Variants in RICTOR observed in about 807,000 individuals in gnomAD.
RICTOR encodes rapamycin-insensitive companion of mTOR.
Under a neutral mutation model 214.9 loss-of-function variants are expected in RICTOR, and 49 were observed. The ratio of observed to expected loss-of-function variants is 0.23; its 90% CI spans 0.18 to 0.29. The LOEUF is 0.29. Ranked by LOEUF, RICTOR falls within the 10% of genes least tolerant of loss-of-function variation. The pLI is 1.00. For synonymous variants in RICTOR, 717 were observed against 711.3 expected (o/e 1.01, Z -0.13); for missense variants, 1,625 against 2,047.0 (o/e 0.79, Z 3.98).
At chr5:38,977,615 T>TG (rs1751350179) in intron 9 of RICTOR, among the ~76,000 whole-genome samples, 2 of 112,572 alleles carry the variant, frequency 1.8e-5, no homozygotes, top group African/African-American at 3.3e-5. Flanking sequence ...TTTTTTTTTT[T>TG]GAGACAGAGT....
chr5:39,008,686 T>C (rs931296215), intron 3 of RICTOR, among the ~76,000 whole-genome samples: 2 of 151,856 alleles, frequency 1.3e-5, no homozygotes, highest in African/African-American at 4.8e-5. Flanking sequence ...ATTTAACTAT[T>C]GTTTTCTCCA....
At position 38,942,881 on chromosome 5, in the gene RICTOR, C is replaced by T. The variant is rs145082202; in HGVS notation, c.5004G>A (p.Pro1668=). 21 of 1,611,830 alleles carry T rather than the reference C, an allele frequency of 1.3e-5. No individual in the cohort carries two copies. Among genetic ancestry groups the T allele is most frequent in the Middle Eastern group, 1.7e-4 (1 of 6,060 alleles). The change falls in exon 37 of 38, where the codon CCG becomes CCA. Residue 1668 remains proline (P), a synonymous_variant. Transcript: ENST00000357387. ...ATAATTCTTGTATGAACCTCCGACACGGAAGTCTGAATGTGCAGTGTGACA... is the reference window on the plus strand; with the variant it reads ...ATAATTCTTGTATGAACCTCCGACATGGAAGTCTGAATGTGCAGTGTGACA... The part of the protein sequence containing the change: ...HLLSHCTFRL[P]CRRFIQELFQ...
intron 3 of RICTOR, among the ~76,000 whole-genome samples, chr5:39,012,902 C>T (rs1237712262): frequency 1.3e-5 from 2 of 152,090 alleles, no homozygotes; most frequent in East Asian, 3.9e-4. Context: ...AGTTCATATA[C>T]AAAGATGCTA....
intron 2 of RICTOR, among the ~76,000 whole-genome samples, chr5:39,063,002 A>G (rs1038701477): frequency 6.6e-6 from 1 of 152,140 alleles, no homozygotes; most frequent in African/African-American, 2.4e-5. Context: ...TTTAGTGTAG[A>G]ACAAAATAAA....
chr5:38,991,144 C>A (rs1030376174), intron 6 of RICTOR, 69 bp from the exon 7 acceptor site: 27 of 1,005,774 alleles, frequency 2.7e-5, no homozygotes, highest in Non-Finnish European at 3.6e-5. Flanking sequence ...TTTGTCCAGA[C>A]TGAAGTAGTT....
At chr5:38,990,798 T>TGA (rs775767434) in intron 7 of RICTOR, 151 bp downstream of exon 7, 71,624 of 97,568 alleles carry the variant, frequency 0.73, 31,997 homozygotes, top group Admixed American at 0.8. Flanking sequence ...ATGAGATATA[T>TGA]GATATATATG....
At chr5:39,061,170 A>G (rs1758516075) in intron 2 of RICTOR, among the ~76,000 whole-genome samples, 2 of 152,128 alleles carry the variant, frequency 1.3e-5, no homozygotes, top group South Asian at 4.1e-4. Context: ...TGGCCTGTGT[A>G]TAAGAAGAGA....
chr5:38,941,836 G>A lies in RICTOR; in HGVS notation c.*468C>T. ...ACCAGCAGTTATAGCACACCCCATT[G>A]TGGTAATAGGATGCAGCCTTAGAGA... On this transcript the variant is annotated 3_prime_UTR_variant, in exon 38 of 38. Coordinates refer to ENST00000357387, the MANE Select transcript of RICTOR (RefSeq NM_152756.5). The A allele has an allele frequency of 4.3e-6, 1 of 233,414 alleles. No individual in the cohort carries two copies. 14.5% of individuals were successfully genotyped at this position (233,414 alleles called of 1,614,324 possible). A position where few individuals can be genotyped will look rare whatever the true frequency, so the allele number is the denominator to read the frequency against.
At chr5:39,034,466 A>G (rs10039230) in intron 2 of RICTOR, among the ~76,000 whole-genome samples, 95,037 of 152,140 alleles carry the variant, frequency 0.62, 29,790 homozygotes, top group African/African-American at 0.67. Context: ...CGGACAGCGG[A>G]TGCAGGACAG....
chr5:38,979,633 A>G (rs779191417), intron 8 of RICTOR, among the ~76,000 whole-genome samples: 2 of 152,202 alleles, frequency 1.3e-5, no homozygotes, highest in African/African-American at 2.4e-5. Context: ...TCAAAGTCTC[A>G]TAAGATTTCA....
intron 2 of RICTOR, among the ~76,000 whole-genome samples, chr5:39,025,653 C>G (rs772331435): frequency 6.6e-6 from 1 of 152,094 alleles, no homozygotes; most frequent in Non-Finnish European, 1.5e-5. Flanking sequence ...TCTTTCAGGT[C>G]GCAGACTGCC....
At chr5:39,053,112 T>C (rs1757962878) in intron 2 of RICTOR, among the ~76,000 whole-genome samples, 2 of 152,214 alleles carry the variant, frequency 1.3e-5, no homozygotes. Context: ...CTAAATTTTT[T>C]CATAGTTTTT....
At chr5:39,018,499 C>G (rs944972785) in intron 3 of RICTOR, among the ~76,000 whole-genome samples, 1 of 152,120 alleles carries the variant, frequency 6.6e-6, no homozygotes, top group African/African-American at 2.4e-5. Context: ...AAAGCATGCG[C>G]TCACTTTGCA....
At position 38,941,010 on chromosome 5, in the gene RICTOR, G is replaced by A. The variant is rs1198438342; in HGVS notation, c.*1294C>T. On this transcript the variant is annotated 3_prime_UTR_variant, in exon 38 of 38. Transcript: ENST00000357387. ...CTATTTATATATAGATCTCAAAAAAGATAATCCTTTCATTTACAAGCATTC... is the reference window on the plus strand; with the variant it reads ...CTATTTATATATAGATCTCAAAAAAAATAATCCTTTCATTTACAAGCATTC... 4.3e-6 allele frequency: 1 copy of A among 232,624 alleles called. No individual in the cohort carries two copies. The highest frequency in any genetic ancestry group is 8.5e-6 in the Non-Finnish European group (1 of 117,566). The allele number at this position is 232,624 out of a possible 1,614,324, so 14.4% of individuals were successfully genotyped here.
At chr5:39,006,122 C>T (rs1282218766) in intron 3 of RICTOR, among the ~76,000 whole-genome samples, 3 of 152,160 alleles carry the variant, frequency 2.0e-5, no homozygotes, top group Non-Finnish European at 2.9e-5. Flanking sequence ...GCTTGAATCC[C>T]GTTTCCTGCC....
intron 14 of RICTOR, 80 bp downstream of exon 14, chr5:38,967,081 G>C (rs1388693381): frequency 2.7e-6 from 3 of 1,110,792 alleles, no homozygotes; most frequent in Non-Finnish European, 1.4e-6. Flanking sequence ...GATTACAGGC[G>C]TGAGTCACCA....
intron 30 of RICTOR, among the ~76,000 whole-genome samples, chr5:38,951,498 T>C (rs1225523517): frequency 6.6e-6 from 1 of 152,054 alleles, no homozygotes; most frequent in Non-Finnish European, 1.5e-5. Context: ...CTAAAATCAA[T>C]ATGCATCTTG....
chr5:38,949,607 G>C, intron 31 of RICTOR, 105 bp downstream of exon 31: 1 of 1,096,900 alleles, frequency 9.1e-7, no homozygotes. Context: ...AATTATAATA[G>C]GTCAGTGATG....
chr5:38,943,150 G>T, intron 36 of RICTOR, 179 bp from the exon 37 acceptor site: 1 of 347,056 alleles, frequency 2.9e-6, no homozygotes, highest in East Asian at 3.7e-5. Flanking sequence ...TAGACATTCT[G>T]AGTTTGGGTT....
Sources: gnomAD v4.1 joint callset for allele counts (sites outside exome capture counted in the v4.1 genomes callset) on GRCh38, gnomAD v4.1.1 for gene constraint, MANE v1.5 for transcripts, NCBI Gene and HGNC (gene_info 2026-07-23, HGNC 2026-07-21) for gene names.